GTF3A: variants seen among roughly 807,000 people sequenced by gnomAD.
The protein encoded by GTF3A is transcription factor IIIA.
A neutral mutation model predicts 37.6 loss-of-function variants in GTF3A; 40 were observed. The ratio of observed to expected loss-of-function variants is 1.06; its 90% CI spans 0.83 to 1.38. The LOEUF (loss-of-function observed/expected upper bound fraction) is 1.38. GTF3A is among the 40% of genes most tolerant of loss of function. GTF3A has a pLI of 0.00. For missense variants in GTF3A, 500 were observed against 462.6 expected (o/e 1.08, Z -0.74); for synonymous variants, 191 against 166.7 (o/e 1.15, Z -1.12).
At chr13:27,434,268 G>GA in intron 6 of GTF3A, 49 bp downstream of exon 6, 2 of 803,670 alleles carry the variant, frequency 2.5e-6, no homozygotes, top group Non-Finnish European at 4.5e-6. Context: ...TGTCCCCACA[G>GA]AACTGATTTA....
chr13:27,426,390 T>C (rs1402938964), intron 1 of GTF3A: 1 of 152,328 alleles, frequency 6.6e-6, no homozygotes, highest in African/African-American at 2.4e-5. Context: ...CCTAGTACTC[T>C]CATGGAGGCC....
intron 4 of GTF3A, 87 bp downstream of exon 4, chr13:27,430,708 G>GT (rs1953649461): frequency 2.4e-6 from 2 of 841,942 alleles, no homozygotes; most frequent in Non-Finnish European, 3.9e-6. Flanking sequence ...ATTGTTTCAT[G>GT]TTTTTTGGCC....
chr13:27,433,320 A>AT (rs137955568), intron 5 of GTF3A, among the ~76,000 whole-genome samples: 61,139 of 145,206 alleles, frequency 0.42, 13,322 homozygotes, highest in South Asian at 0.58. Context: ...AGAATTTATG[A>AT]TTTTTTTTTT....
At chr13:27,433,602 C>G (rs1953679613) in intron 5 of GTF3A, among the ~76,000 whole-genome samples, 1 of 147,024 alleles carries the variant, frequency 6.8e-6, no homozygotes, top group South Asian at 2.1e-4. Flanking sequence ...TGCAGTATGA[C>G]ACTTACAAGA....
At chr13:27,425,133 AG>A in intron 1 of GTF3A, 195 bp downstream of exon 1, 1 of 524,560 alleles carries the variant, frequency 1.9e-6, no homozygotes. Context: ...TATCCATGGC[AG>A]GGGCTCGGGA....
rs1953705148 is a variant in GTF3A, at chr13:27,435,426, C to A, written c.934-7C>A. 6.2e-7 allele frequency: 1 copy of A among 1,609,956 alleles called. No homozygotes were observed. The highest frequency in any genetic ancestry group is 1.3e-5 in the African/African-American group (1 of 74,834). ...ATTCTAATCGTGTGTCTTCCTTATT[C>A]CCAAAGGTCAAAAAATCTCGTGAAA... On this transcript the variant is annotated splice_region_variant and splice_polypyrimidine_tract_variant and intron_variant, in intron 8 of 8. Coordinates refer to ENST00000381140, the MANE Select transcript of GTF3A (RefSeq NM_002097.3).
chr13:27,427,297 G>A, intron 2 of GTF3A, 105 bp downstream of exon 2: 1 of 686,284 alleles, frequency 1.5e-6, no homozygotes, highest in Non-Finnish European at 2.7e-6. Flanking sequence ...GTGAAGCCTG[G>A]CAGGGCTCGG....
rs1396608219 is a variant in GTF3A, at chr13:27,424,697, G to C, written c.-41G>C. The C allele has an allele frequency of 1.5e-6, 2 of 1,336,992 alleles. No individual in the cohort carries two copies. Among genetic ancestry groups the C allele is most frequent in the Non-Finnish European group, 1.9e-6 (2 of 1,040,746 alleles). 82.8% of individuals were successfully genotyped at this position (1,336,992 alleles called of 1,614,324 possible). ...CGGTTCCCGGCACGTGTCTCGGCAC[G>C]TGGCAGCGCGCCTGGCCCTGGGCTT... On this transcript the variant is annotated 5_prime_UTR_variant, in exon 1 of 9. Coordinates refer to ENST00000381140, the MANE Select transcript of GTF3A (RefSeq NM_002097.3).
intron 4 of GTF3A, among the ~76,000 whole-genome samples, chr13:27,430,838 A>C (rs999589086): frequency 2.0e-5 from 3 of 152,174 alleles, no homozygotes; most frequent in Non-Finnish European, 2.9e-5. Context: ...TATTGGATGC[A>C]TAATGTGCCA....
At chr13:27,426,200 T>C (rs1449168269) in intron 1 of GTF3A, 1 of 152,298 alleles carries the variant, frequency 6.6e-6, no homozygotes, top group South Asian at 2.1e-4. Flanking sequence ...ATACTGGCGC[T>C]ACCAGTTTCC....
intron 4 of GTF3A, among the ~76,000 whole-genome samples, chr13:27,431,991 A>G (rs1953661843): frequency 6.6e-6 from 1 of 152,256 alleles, no homozygotes; most frequent in Admixed American, 6.5e-5. Flanking sequence ...ATTCAAATAG[A>G]GCCTGTGCAA....
In GTF3A at chr13:27,424,639, A is replaced by G. The variant is rs1229713201; in HGVS notation, c.-99A>G. On this transcript the variant is annotated 5_prime_UTR_variant, in exon 1 of 9. Coordinates refer to ENST00000381140, the MANE Select transcript of GTF3A (RefSeq NM_002097.3). ...CCCGGAAGTGTGCCGGCGTCGCGCGAAGGTTCAGCAGGGAGCCGTGGGCCG... is the reference window on the plus strand; with the variant it reads ...CCCGGAAGTGTGCCGGCGTCGCGCGGAGGTTCAGCAGGGAGCCGTGGGCCG... 3 of 815,116 alleles carry G rather than the reference A, an allele frequency of 3.7e-6. No homozygotes were observed. The highest frequency in any genetic ancestry group is 4.1e-4 in the Middle Eastern group (1 of 2,428). The allele number at this position is 815,116 out of a possible 1,614,324, so 50.5% of individuals were successfully genotyped here. A position where few individuals can be genotyped will look rare whatever the true frequency, so the allele number is the denominator to read the frequency against.
intron 2 of GTF3A, 114 bp downstream of exon 2, chr13:27,427,306 G>T (rs113865889): frequency 2.4e-5 from 16 of 664,616 alleles, no homozygotes; most frequent in Middle Eastern, 3.2e-4. Context: ...GGCAGGGCTC[G>T]GTGGCTCATG....
chr13:27,429,694 G>A (rs1953640597), intron 2 of GTF3A, among the ~76,000 whole-genome samples, 176 bp from the exon 3 acceptor site: 1 of 152,198 alleles, frequency 6.6e-6, no homozygotes, highest in Admixed American at 6.5e-5. Context: ...TTACATGATA[G>A]TCATCAGGTT....
chr13:27,435,379 A>G, intron 8 of GTF3A, 54 bp from the exon 9 acceptor site: 5 of 1,546,228 alleles, frequency 3.2e-6, no homozygotes, highest in Non-Finnish European at 4.4e-6. Context: ...CGTAAAATTA[A>G]CTCAGACAGT....
rs745906615 is a variant in GTF3A, at chr13:27,435,749, G to A, written c.*152G>A. 1.2e-6 allele frequency: 2 copies of A among 1,614,024 alleles called. No homozygotes were observed. Among genetic ancestry groups the A allele is most frequent in the Non-Finnish European group, 1.7e-6 (2 of 1,179,974 alleles). On this transcript the variant is annotated 3_prime_UTR_variant, in exon 9 of 9. Coordinates refer to ENST00000381140, the MANE Select transcript of GTF3A (RefSeq NM_002097.3). ...AAAGTGTCTCTTTCCTGGGTCTCTT[G>A]AGTTTCTTTATATGCCTTCTCCTCA...
chr13:27,430,349 T>C (rs1465599835), intron 3 of GTF3A, among the ~76,000 whole-genome samples, 184 bp from the exon 4 acceptor site: 2 of 152,244 alleles, frequency 1.3e-5, no homozygotes, highest in South Asian at 2.1e-4. Context: ...ACAGTTTTGC[T>C]TTTTCAAATG....
rs192605419 is a variant in GTF3A, at chr13:27,425,898, C to T, written c.201+960C>T. Reference sequence around the variant, plus strand: ...TGTCCTCCGGGGCCTCATTCCTTAACCTCTCCAGCACTGGAAGGCCGACCG... The same window carrying T: ...TGTCCTCCGGGGCCTCATTCCTTAATCTCTCCAGCACTGGAAGGCCGACCG... On this transcript the variant is annotated intron_variant, in intron 1 of 8. Coordinates refer to ENST00000381140, the MANE Select transcript of GTF3A (RefSeq NM_002097.3). 365 of 152,800 alleles carry T rather than the reference C, an allele frequency of 2.4e-3. 1 individual carries two copies. Among genetic ancestry groups the T allele is most frequent in the Non-Finnish European group, 4.2e-3 (288 of 68,414 alleles). 9.5% of individuals were successfully genotyped at this position (152,800 alleles called of 1,614,324 possible).
chr13:27,426,514 A>G (rs969101575), intron 1 of GTF3A, among the ~76,000 whole-genome samples: 7 of 152,170 alleles, frequency 4.6e-5, no homozygotes, highest in African/African-American at 1.7e-4. Flanking sequence ...GTTCAAAATG[A>G]GTCACCCCCT....
Sources: allele counts gnomAD v4.1 joint callset (sites outside exome capture counted in the v4.1 genomes callset), GRCh38; gene constraint gnomAD v4.1.1; transcripts MANE v1.5; gene names NCBI Gene and HGNC (gene_info 2026-07-23, HGNC 2026-07-21).